The following DPY19L4 variants were observed in gnomAD, a reference collection of about 807,000 sequenced individuals.
The protein encoded by DPY19L4 is probable C-mannosyltransferase DPY19L4.
A neutral mutation model predicts 102.8 loss-of-function variants in DPY19L4; 97 were observed. That is an observed-to-expected ratio of 0.94 (90% CI 0.80 to 1.12). The LOEUF is 1.12. DPY19L4 is among the 50% of genes most tolerant of loss of function. The pLI, the probability that DPY19L4 is intolerant of heterozygous loss-of-function variation, is 0.00. For synonymous variants in DPY19L4, 252 were observed against 283.1 expected (o/e 0.89, Z 1.10); for missense variants, 815 against 850.4 (o/e 0.96, Z 0.52).
At chr8:94,724,748 C>T (rs1350630392) in intron 1 of DPY19L4, among the ~76,000 whole-genome samples, 2 of 152,042 alleles carry the variant, frequency 1.3e-5, no homozygotes, top group Non-Finnish European at 2.9e-5. Flanking sequence ...CCACCACACC[C>T]GGCTGATTTT....
chr8:94,733,832 G>A (rs1397933986), intron 2 of DPY19L4, among the ~76,000 whole-genome samples: 4 of 152,038 alleles, frequency 2.6e-5, no homozygotes, highest in African/African-American at 9.7e-5. Flanking sequence ...GTGAGCTACC[G>A]CGCCCGGCCT....
intron 16 of DPY19L4, among the ~76,000 whole-genome samples, chr8:94,782,034 G>A (rs949218523): frequency 2.0e-5 from 3 of 152,284 alleles, no homozygotes; most frequent in African/African-American, 4.8e-5. Flanking sequence ...TGCAGTGTGC[G>A]ATAAACAGCA....
chr8:94,765,899 G>T (rs73697021), intron 10 of DPY19L4, 90 bp downstream of exon 10: 1 of 824,768 alleles, frequency 1.2e-6, no homozygotes. Flanking sequence ...GAGATAGCAC[G>T]TAATAGAGTT....
At chr8:94,773,719 T>C (rs911702084) in intron 13 of DPY19L4, among the ~76,000 whole-genome samples, 1 of 151,894 alleles carries the variant, frequency 6.6e-6, no homozygotes, top group Non-Finnish European at 1.5e-5. Context: ...CATGAGCCAC[T>C]GTGCCTGGCC....
chr8:94,725,916 C>T (rs538707736), intron 1 of DPY19L4, among the ~76,000 whole-genome samples: 3 of 152,210 alleles, frequency 2.0e-5, no homozygotes, highest in East Asian at 1.9e-4. Flanking sequence ...GGATTACAGG[C>T]GTGAGCCACA....
Position 94,792,789 on chromosome 8 carries a change from A to G in DPY19L4, c.*2879A>G, listed in dbSNP as rs1045929576. The G allele has an allele frequency of 3.3e-5, 5 of 152,358 alleles. No individual in the cohort carries two copies. The highest frequency in any genetic ancestry group is 2.0e-4 in the East Asian group (1 of 5,122). The allele number at this position is 152,358 out of a possible 1,614,324, so 9.4% of individuals were successfully genotyped here. On this transcript the variant is annotated 3_prime_UTR_variant, in exon 19 of 19. Transcript: ENST00000414645. ...AGAATGGCGTCAAGCGGCGAGGCGG[A>G]GCTTGCGGTGAGCCGAGATCATGCC...
At chr8:94,780,455 A>G in intron 15 of DPY19L4, 40 bp downstream of exon 15, 3 of 1,274,370 alleles carry the variant, frequency 2.4e-6, no homozygotes, top group Non-Finnish European at 3.1e-6. Flanking sequence ...AATGTACTTT[A>G]TCTACAAAGG....
At position 94,789,863 on chromosome 8, in the gene DPY19L4, T is replaced by A. The variant is rs780543885; in HGVS notation, c.2125T>A (p.Ser709Thr). The A allele has an allele frequency of 3.7e-6, 6 of 1,607,108 alleles. No homozygotes were observed. The Admixed American group carries it at 6.9e-5, about 18-fold the overall frequency. ...TTTCACTAGAGTATACTGGAACAGA[T>A]CCTACTTTGTATATAAAATCAACAC... ...NYFTRVYWNR[S>T]YFVYKINTVI... Residue 709 changes from serine (S) to threonine (T), a missense_variant, in exon 19 of 19, where the codon TCC becomes ACC. Coordinates refer to ENST00000414645, the MANE Select transcript of DPY19L4 (RefSeq NM_181787.3).
chr8:94,751,561 G>A (rs1186504945), intron 6 of DPY19L4, among the ~76,000 whole-genome samples: 12 of 151,692 alleles, frequency 7.9e-5, no homozygotes, highest in African/African-American at 2.4e-4. Flanking sequence ...GCATGATCTC[G>A]GCTCACTGCA....
At chr8:94,728,689 T>C (rs113716985) in intron 2 of DPY19L4, among the ~76,000 whole-genome samples, 13 of 152,340 alleles carry the variant, frequency 8.5e-5, no homozygotes, top group South Asian at 4.1e-4. Context: ...CTGTGAACAG[T>C]TGACAATACT....
At position 94,752,204 on chromosome 8, in the gene DPY19L4, C is replaced by T. The variant is rs541459352; in HGVS notation, c.612-3832C>T. 2.6e-5 allele frequency among the ~76,000 whole-genome samples: 4 copies of T among 152,186 alleles called. No individual in the cohort carries two copies. In the South Asian group the frequency reaches 8.3e-4, roughly 32 times the overall value. On this transcript the variant is annotated intron_variant, in intron 6 of 18. Coordinates refer to ENST00000414645, the MANE Select transcript of DPY19L4 (RefSeq NM_181787.3). ...ATGTCGTCTATATTCTTGTATTTCC[C>T]TGATGATTAATGATATTGGGTACCT... is the stretch of plus-strand genomic sequence containing the variant.
chr8:94,727,954 C>T (rs1161499793), intron 2 of DPY19L4, among the ~76,000 whole-genome samples: 1 of 151,934 alleles, frequency 6.6e-6, no homozygotes, highest in Non-Finnish European at 1.5e-5. Flanking sequence ...TTCTTTTTTT[C>T]CTTTTTCTTT....
chr8:94,753,641 G>A (rs989273536), intron 6 of DPY19L4, among the ~76,000 whole-genome samples: 1 of 152,138 alleles, frequency 6.6e-6, no homozygotes, highest in South Asian at 2.1e-4. Flanking sequence ...GGGAGGTCGA[G>A]GCAGGTGGAT....
chr8:94,761,891 G>T, intron 8 of DPY19L4, 57 bp downstream of exon 8: 1 of 1,525,954 alleles, frequency 6.6e-7, no homozygotes, highest in Middle Eastern at 1.9e-4. Flanking sequence ...TTATAGCATT[G>T]TATCTTAAAA....
intron 4 of DPY19L4, among the ~76,000 whole-genome samples, chr8:94,739,022 A>C (rs1241757807): frequency 1.3e-5 from 2 of 152,174 alleles, no homozygotes; most frequent in African/African-American, 4.8e-5. Context: ...GAATATCCCA[A>C]ATCAACTCTC....
At chr8:94,766,399 T>A (rs892386257) in intron 10 of DPY19L4, among the ~76,000 whole-genome samples, 1 of 152,130 alleles carries the variant, frequency 6.6e-6, no homozygotes, top group African/African-American at 2.4e-5. Context: ...AAAGAAATGT[T>A]CTTACTACGC....
chr8:94,739,583 G>A (rs1811346315), intron 5 of DPY19L4, 49 bp downstream of exon 5: 1 of 1,601,610 alleles, frequency 6.2e-7, no homozygotes, highest in African/African-American at 1.3e-5. Context: ...ATGTATTCAT[G>A]AATCCTCAAA....
At chr8:94,720,156 C>T in intron 1 of DPY19L4, 142 bp downstream of exon 1, 1 of 1,373,622 alleles carries the variant, frequency 7.3e-7, no homozygotes, top group Non-Finnish European at 9.4e-7. Context: ...AGGAGCGCGG[C>T]GCCCAGGAGA....
At chr8:94,761,248 A>C (rs1465805740) in intron 7 of DPY19L4, among the ~76,000 whole-genome samples, 1 of 152,202 alleles carries the variant, frequency 6.6e-6, no homozygotes, top group Non-Finnish European at 1.5e-5. Flanking sequence ...GACTGAGGGA[A>C]CAAAGGGAAA....
Sources: allele counts gnomAD v4.1 joint callset (sites outside exome capture counted in the v4.1 genomes callset), GRCh38; gene constraint gnomAD v4.1.1; transcripts MANE v1.5; gene names NCBI Gene and HGNC (gene_info 2026-07-23, HGNC 2026-07-21).